OLFM3: variants seen among roughly 807,000 people sequenced by gnomAD.
The protein encoded by OLFM3 is olfactomedin 3, also known as noelin-3.
OLFM3 carries 20 observed loss-of-function variants against 48.6 expected under a neutral mutation model. That is an observed-to-expected ratio of 0.41 (90% CI 0.29 to 0.60). OLFM3 has a LOEUF of 0.60. OLFM3 is among the 20% of genes least tolerant of loss of function. The pLI, the probability that OLFM3 is intolerant of heterozygous loss-of-function variation, is 0.28. For synonymous variants in OLFM3, 222 were observed against 198.1 expected (o/e 1.12, Z -1.01); for missense variants, 437 against 544.3 (o/e 0.80, Z 1.96).
rs551145305 is a variant in OLFM3 at position 101,850,926 on chromosome 1, GA to G, written c.70-13902del. On this transcript the variant is annotated intron_variant, in intron 1 of 5. Transcript: ENST00000370103. ...AATTATTGAAGAAGGAGGAGGAGAA[GA>G]AAAAAAGAGATAAGAAGGAGGACAG... 2.7e-3 allele frequency among the ~76,000 whole-genome samples: 379 copies of G among 140,138 alleles called. 2 individuals are homozygous for G. In the Middle Eastern group the frequency reaches 0.03, roughly 11 times the overall value. The allele number at this position is 140,138 out of a possible 152,430, so 91.9% of individuals were successfully genotyped here.
At chr1:101,968,661 C>T (rs564501787) in intron 1 of OLFM3, among the ~76,000 whole-genome samples, 2 of 152,058 alleles carry the variant, frequency 1.3e-5, no homozygotes, top group African/African-American at 2.4e-5. Context: ...TATTCCACTA[C>T]TGTGTTTTCT....
intron 1 of OLFM3, among the ~76,000 whole-genome samples, chr1:101,929,680 C>G (rs1016335923): frequency 2.0e-5 from 3 of 152,098 alleles, no homozygotes; most frequent in Admixed American, 2.0e-4. Context: ...TCATAATAGT[C>G]CAGTTCAAAC....
At chr1:101,829,891 G>A (rs967055797) in intron 3 of OLFM3, among the ~76,000 whole-genome samples, 1 of 151,608 alleles carries the variant, frequency 6.6e-6, no homozygotes, top group African/African-American at 2.4e-5. Context: ...CTGGAGTGCA[G>A]TGGCGCTGTC....
At chr1:101,943,235 A>G (rs1659848707) in intron 1 of OLFM3, among the ~76,000 whole-genome samples, 3 of 152,182 alleles carry the variant, frequency 2.0e-5, no homozygotes, top group Admixed American at 6.5e-5. Context: ...TGGCTGATGA[A>G]CCTTAAAATT....
At chr1:101,908,860 G>T (rs1044361627) in intron 1 of OLFM3, among the ~76,000 whole-genome samples, 6 of 152,182 alleles carry the variant, frequency 3.9e-5, no homozygotes, top group Admixed American at 2.6e-4. Context: ...AGCTGGAAGA[G>T]CCAAAAAATA....
chr1:101,977,671 T>A (rs1660991819), intron 1 of OLFM3, among the ~76,000 whole-genome samples: 1 of 152,152 alleles, frequency 6.6e-6, no homozygotes, highest in Non-Finnish European at 1.5e-5. Context: ...TCCTTTCACC[T>A]CTCTTTAGTC....
At chr1:101,877,789 C>A (rs1256889378) in intron 1 of OLFM3, among the ~76,000 whole-genome samples, 1 of 150,872 alleles carries the variant, frequency 6.6e-6, no homozygotes, top group East Asian at 2.0e-4. Flanking sequence ...AATATTTGGT[C>A]TTTAATGAAG....
intron 2 of OLFM3, among the ~76,000 whole-genome samples, chr1:101,832,206 TCAAATA>T (rs1240565731): frequency 6.6e-6 from 1 of 152,200 alleles, no homozygotes; most frequent in African/African-American, 2.4e-5. Context: ...TTATTCTAAA[TCAAATA>T]CAAATACATG....
chr1:101,848,508 A>AT (rs34309802), intron 1 of OLFM3, among the ~76,000 whole-genome samples: 68,528 of 148,676 alleles, frequency 0.46, 16,554 homozygotes, highest in African/African-American at 0.52. Flanking sequence ...AATCCAGGCC[A>AT]TTTTTTTTTT....
rs1285833249 is a variant in OLFM3 at position 101,803,450 on chromosome 1, T to C, written c.*788A>G. 4 of 152,066 alleles carry C rather than the reference T, an allele frequency of 2.6e-5. No individual in the cohort carries two copies. Among genetic ancestry groups the C allele is most frequent in the African/African-American group, 7.3e-5 (3 of 41,368 alleles). The allele number at this position is 152,066 out of a possible 1,614,324, so 9.4% of individuals were successfully genotyped here. A position where few individuals can be genotyped will look rare whatever the true frequency, so the allele number is the denominator to read the frequency against. On this transcript the variant is annotated 3_prime_UTR_variant, in exon 6 of 6. Coordinates refer to ENST00000370103, the MANE Select transcript of OLFM3 (RefSeq NM_058170.4). ...ATTCAATGTCAGTGGCCCAAAAAAC[T>C]TGGGGTAAAATAAAGACTCTATGTC...
chr1:101,942,564 C>G (rs1557739558), intron 1 of OLFM3, among the ~76,000 whole-genome samples: 1 of 152,150 alleles, frequency 6.6e-6, no homozygotes, highest in South Asian at 2.1e-4. Flanking sequence ...CAGTAATTCA[C>G]ATCATTGTTA....
At chr1:101,883,039 C>A (rs193265607) in intron 1 of OLFM3, 1 of 151,798 alleles carries the variant, frequency 6.6e-6, no homozygotes, top group African/African-American at 2.4e-5. Flanking sequence ...TTACCAAAGA[C>A]CTTCTTGAGT....
intron 1 of OLFM3, among the ~76,000 whole-genome samples, chr1:101,924,840 A>T (rs573885102): frequency 6.6e-6 from 1 of 152,322 alleles, no homozygotes; most frequent in Non-Finnish European, 1.5e-5. Context: ...ATGTTTATTT[A>T]GTTCTTGAGA....
chr1:101,889,721 A>G (rs2101003058), intron 1 of OLFM3, among the ~76,000 whole-genome samples: 1 of 152,252 alleles, frequency 6.6e-6, no homozygotes, highest in Middle Eastern at 3.4e-3. Flanking sequence ...TCTAGCATAG[A>G]TAACATATAT....
intron 1 of OLFM3, among the ~76,000 whole-genome samples, chr1:101,916,051 C>T (rs897851973): frequency 2.6e-5 from 4 of 152,088 alleles, no homozygotes; most frequent in Non-Finnish European, 5.9e-5. Flanking sequence ...ACAAGTTACA[C>T]AATGGGAAAC....
intron 1 of OLFM3, among the ~76,000 whole-genome samples, chr1:101,870,972 G>T (rs1305393576): frequency 1.3e-5 from 2 of 151,662 alleles, no homozygotes; most frequent in Non-Finnish European, 1.5e-5. Flanking sequence ...AAGAAAAAAA[G>T]AAAAGATCCT....
chr1:101,909,427 T>A (rs1397014732), intron 1 of OLFM3, among the ~76,000 whole-genome samples: 1 of 152,248 alleles, frequency 6.6e-6, no homozygotes. Flanking sequence ...TTTCCATGAA[T>A]ATATTCATCA....
chr1:101,897,653 T>A (rs1658251227), intron 1 of OLFM3, among the ~76,000 whole-genome samples: 1 of 152,136 alleles, frequency 6.6e-6, no homozygotes, highest in Non-Finnish European at 1.5e-5. Context: ...TGGCACTAAA[T>A]GTTTAAATAT....
At chr1:101,848,575 A>G (rs548253526) in intron 1 of OLFM3, among the ~76,000 whole-genome samples, 1 of 152,216 alleles carries the variant, frequency 6.6e-6, no homozygotes, top group African/African-American at 2.4e-5. Flanking sequence ...CAGTGCCCAC[A>G]AAACCAAATA....
Sources: allele counts gnomAD v4.1 joint callset (sites outside exome capture counted in the v4.1 genomes callset), GRCh38; gene constraint gnomAD v4.1.1; transcripts MANE v1.5; gene names NCBI Gene and HGNC (gene_info 2026-07-23, HGNC 2026-07-21).